The following RAB19 variants were observed in gnomAD, a reference collection of about 807,000 sequenced individuals.
The protein encoded by RAB19 is RAB19, member RAS oncogene family.
RAB19 carries 21 observed loss-of-function variants against 17.3 expected under a neutral mutation model. The observed-to-expected ratio is 1.21, with a 90% CI of 0.86 to 1.74. RAB19 has a LOEUF of 1.74. Among genes scored for constraint, RAB19 ranks in the 40% most tolerant of loss-of-function variants. The probability of loss-of-function intolerance (pLI) is 0.00; values close to 1 mark genes in which losing one functional copy is unlikely to be tolerated. For synonymous variants in RAB19, 126 were observed against 110.4 expected (o/e 1.14, Z -0.88); for missense variants, 277 against 286.8 (o/e 0.97, Z 0.25).
chr7:140,420,294 G>T (rs775606637), intron 3 of RAB19, among the ~76,000 whole-genome samples: 1 of 151,916 alleles, frequency 6.6e-6, no homozygotes. Flanking sequence ...GGTGGTGGGC[G>T]CCTGTAATCC....
intron 3 of RAB19, among the ~76,000 whole-genome samples, chr7:140,412,714 T>G (rs1799389535): frequency 6.6e-6 from 1 of 150,978 alleles, no homozygotes; most frequent in African/African-American, 2.4e-5. Context: ...AACAGGTGAG[T>G]TTTGTTTTTT....
intron 3 of RAB19, among the ~76,000 whole-genome samples, chr7:140,419,465 G>A (rs950148776): frequency 5.9e-5 from 9 of 151,944 alleles, no homozygotes; most frequent in East Asian, 5.8e-4. Context: ...TTCATCCATC[G>A]TTGCATGTGG....
chr7:140,405,144 G>T (rs1020250112), intron 1 of RAB19, among the ~76,000 whole-genome samples: 2 of 152,162 alleles, frequency 1.3e-5, no homozygotes, highest in Non-Finnish European at 2.9e-5. Flanking sequence ...AGAATCACCT[G>T]GGGAAGAGAC....
At chr7:140,412,903 T>C (rs1799393211) in intron 3 of RAB19, among the ~76,000 whole-genome samples, 1 of 150,840 alleles carries the variant, frequency 6.6e-6, no homozygotes, top group African/African-American at 2.4e-5. Flanking sequence ...GGCAGGTAAA[T>C]TGCTTGAGCC....
intron 3 of RAB19, among the ~76,000 whole-genome samples, chr7:140,424,028 T>C (rs1434849053): frequency 6.6e-6 from 1 of 151,928 alleles, no homozygotes; most frequent in Non-Finnish European, 1.5e-5. Flanking sequence ...TAATTTTTTG[T>C]GTTTTTAGTA....
chr7:140,426,705 A>G lies in RAB19; in HGVS notation c.*555A>G, dbSNP rs907317329. Among the ~76,000 whole-genome samples, 14 of 152,166 alleles carry G rather than the reference A, an allele frequency of 9.2e-5. No homozygotes were observed. The highest frequency in any genetic ancestry group is 3.4e-4 in the African/African-American group (14 of 41,442). On this transcript the variant is annotated 3_prime_UTR_variant, in exon 4 of 4. Coordinates refer to ENST00000537763, the MANE Select transcript of RAB19 (RefSeq NM_001008749.3). ...TGGGGAGCGAAGCCTTTTAGCAGAAATACCAGAAGTACCATCTTGCCAAAT... is the reference window on the plus strand; with the variant it reads ...TGGGGAGCGAAGCCTTTTAGCAGAAGTACCAGAAGTACCATCTTGCCAAAT...
At chr7:140,407,916 G>A (rs968019721) in intron 2 of RAB19, 69 bp downstream of exon 2, 19 of 1,125,788 alleles carry the variant, frequency 1.7e-5, no homozygotes, top group South Asian at 2.9e-5. Context: ...TCCTTGAGAC[G>A]GAGTCTCGCG....
At chr7:140,415,244 T>G (rs1585423285) in intron 3 of RAB19, among the ~76,000 whole-genome samples, 1 of 151,996 alleles carries the variant, frequency 6.6e-6, no homozygotes, top group East Asian at 1.9e-4. Flanking sequence ...CCAGCTAATT[T>G]TTGTGTTTTT....
At chr7:140,423,161 T>C (rs1292627504) in intron 3 of RAB19, among the ~76,000 whole-genome samples, 1 of 151,394 alleles carries the variant, frequency 6.6e-6, no homozygotes. Context: ...GGTCCTTGGC[T>C]GGGCGTGGTG....
chr7:140,412,028 G>C lies in RAB19; in HGVS notation c.356G>C (p.Gly119Ala), dbSNP rs1385555256. Residue 119 changes from glycine to alanine, a missense_variant, in exon 3 of 4, where the codon GGA becomes GCA. Transcript: ENST00000537763. ...TGGATTCATGAGATAGAGAAATATG[G>C]AGCTGCAAATGTGGTCATTATGCTG... ...PHWIHEIEKY[G>A]AANVVIMLIG... The C allele has an allele frequency of 1.2e-6, 2 of 1,613,240 alleles. No homozygotes were observed. The highest frequency in any genetic ancestry group is 1.7e-6 in the Non-Finnish European group (2 of 1,180,038).
chr7:140,409,447 C>A (rs556827193), intron 2 of RAB19, among the ~76,000 whole-genome samples: 1 of 152,096 alleles, frequency 6.6e-6, no homozygotes, highest in African/African-American at 2.4e-5. Context: ...GTAATCCCAG[C>A]ACTTTTGGAG....
In RAB19 at chr7:140,411,325, G is replaced by A. The variant is rs1276153397; in HGVS notation, c.202-549G>A. 2.0e-5 allele frequency among the ~76,000 whole-genome samples: 3 copies of A among 152,170 alleles called. No homozygotes were observed. In the East Asian group the frequency reaches 5.8e-4, roughly 29 times the overall value. On this transcript the variant is annotated intron_variant, in intron 2 of 3. Transcript: ENST00000537763. ...TGAGGCAGGAGAATGGTGTGAACCT[G>A]GGAGGCGGAGCTTGCAGTAAGCTGA...
chr7:140,421,266 A>T (rs1799558408), intron 3 of RAB19, among the ~76,000 whole-genome samples: 1 of 152,134 alleles, frequency 6.6e-6, no homozygotes, highest in Non-Finnish European at 1.5e-5. Context: ...ATCCTAGCTT[A>T]CAGCAGCTTC....
intron 2 of RAB19, among the ~76,000 whole-genome samples, chr7:140,408,518 C>A (rs1799291927): frequency 6.6e-6 from 1 of 152,028 alleles, no homozygotes; most frequent in Admixed American, 6.6e-5. Flanking sequence ...CTCCATCACC[C>A]AGGCTGGAGT....
chr7:140,412,135 A>AGT, intron 3 of RAB19, 78 bp downstream of exon 3: 1 of 1,395,406 alleles, frequency 7.2e-7, no homozygotes, highest in South Asian at 1.2e-5. Flanking sequence ...TTCTAATGAC[A>AGT]GTGGAAAATG....
rs751346314 is a variant in RAB19, at chr7:140,425,999, TAGA to T, written c.509_511del (p.Glu170del). 2.5e-5 allele frequency: 41 copies of T among 1,614,020 alleles called. No individual in the cohort carries two copies. Among genetic ancestry groups the T allele is most frequent in the African/African-American group, 2.4e-4 (18 of 74,910 alleles). ...ACATCTGCCAAGGAGTCAAAGAACA[TAGA>T]AGAAGTCTTCGTGCTCATGGCCAAG... is the stretch of plus-strand genomic sequence containing the variant. On this transcript the variant is annotated inframe_deletion, in exon 4 of 4. Coordinates refer to ENST00000537763, the MANE Select transcript of RAB19 (RefSeq NM_001008749.3).
rs1554442794 is a variant in RAB19 at position 140,424,639 on chromosome 7, A to ATATATG, written c.386-1242_386-1241insATATGT. 3.2e-4 allele frequency among the ~76,000 whole-genome samples: 44 copies of ATATATG among 138,350 alleles called. 1 individual carries two copies. Among genetic ancestry groups the ATATATG allele is most frequent in the African/African-American group, 1.1e-3 (40 of 36,364 alleles). 90.8% of individuals were successfully genotyped at this position (138,350 alleles called of 152,430 possible). A position where few individuals can be genotyped will look rare whatever the true frequency, so the allele number is the denominator to read the frequency against. On this transcript the variant is annotated intron_variant, in intron 3 of 3. Transcript: ENST00000537763. ...TCTCTCTATATATATATATATATAT[A>ATATATG]TGTGTGTGTGTATATATGTGTGTGT...
chr7:140,414,113 C>T (rs1305753634), intron 3 of RAB19, among the ~76,000 whole-genome samples: 3 of 152,224 alleles, frequency 2.0e-5, no homozygotes, highest in East Asian at 1.9e-4. Flanking sequence ...GGCATGACCT[C>T]GACTCACTGC....
chr7:140,418,411 A>AC, intron 3 of RAB19, among the ~76,000 whole-genome samples: 1 of 150,482 alleles, frequency 6.6e-6, no homozygotes, highest in Non-Finnish European at 1.5e-5. Context: ...AAAAAAAAAA[A>AC]AAAAAAAAAA....
Sources: allele counts gnomAD v4.1 joint callset (sites outside exome capture counted in the v4.1 genomes callset), GRCh38; gene constraint gnomAD v4.1.1; transcripts MANE v1.5; gene names NCBI Gene and HGNC (gene_info 2026-07-23, HGNC 2026-07-21).